Variants in PCDHA1 observed in about 807,000 individuals in gnomAD.
PCDHA1 encodes the protein protocadherin alpha 1, also known as protocadherin alpha-1.
PCDHA1 carries 42 observed loss-of-function variants against 61.3 expected under a neutral mutation model. That is an observed-to-expected ratio of 0.69 (90% CI 0.54 to 0.89). The LOEUF (loss-of-function observed/expected upper bound fraction) is 0.89. Among genes scored for constraint, PCDHA1 ranks in the 40% least tolerant of loss-of-function variants. The probability of loss-of-function intolerance (pLI) is 0.00; values close to 1 mark genes in which losing one functional copy is unlikely to be tolerated. For synonymous variants in PCDHA1, 610 were observed against 553.8 expected, an observed-to-expected ratio of 1.10 and a Z score of -1.43; for missense variants, 1,256 against 1,235.3, an observed-to-expected ratio of 1.02 and a Z score of -0.25.
chr5:140,883,532 G>C, intron 1 of PCDHA1: 2 of 1,614,220 alleles, frequency 1.2e-6, no homozygotes, highest in Non-Finnish European at 1.7e-6. Context: ...ATCAGCCTAT[G>C]AACTGGTGGT....
At position 140,941,206 on chromosome 5, in the gene PCDHA1, TCTTTCTTC is replaced by T. The variant is rs1268159199; in HGVS notation, c.2395-37735_2395-37728del. Among the ~76,000 whole-genome samples the T allele has an allele frequency of 1.2e-3, 117 of 95,670 alleles. 1 individual carries two copies. The highest frequency in any genetic ancestry group is 8.3e-3 in the South Asian group (27 of 3,240). The allele number at this position is 95,670 out of a possible 152,430, so 62.8% of individuals were successfully genotyped here. A position where few individuals can be genotyped will look rare whatever the true frequency, so the allele number is the denominator to read the frequency against. On this transcript the variant is annotated intron_variant, in intron 1 of 3. Coordinates refer to ENST00000504120, the MANE Select transcript of PCDHA1 (RefSeq NM_018900.4). ...GCTTCTTTTTTTTTCTTTCTTCCTTTCTTTCTTCCTTTCTTTCTTTCTTTCTTTCTTTC... is the reference window on the plus strand; with the variant it reads ...GCTTCTTTTTTTTTCTTTCTTCCTTTCTTTCTTTCTTTCTTTCTTTCTTTC...
Position 140,939,111 on chromosome 5 carries a change from T to G in PCDHA1, c.2395-39838T>G, listed in dbSNP as rs141486595. Reference sequence around the variant, plus strand: ...CTTAAAAACAATAGAAATTTATTTTTCACAATTCTGGAAGCTGGAAAGTTG... The same window carrying G: ...CTTAAAAACAATAGAAATTTATTTTGCACAATTCTGGAAGCTGGAAAGTTG... On this transcript the variant is annotated intron_variant, in intron 1 of 3. Coordinates refer to ENST00000504120, the MANE Select transcript of PCDHA1 (RefSeq NM_018900.4). Among the ~76,000 whole-genome samples, 62 of 152,324 alleles carry G rather than the reference T, an allele frequency of 4.1e-4. No homozygotes were observed. The East Asian group carries it at 0.01, about 25-fold the overall frequency.
rs782715241 is a variant in PCDHA1 at position 140,803,300 on chromosome 5, C to A, written c.2394+14616C>A. The A allele has an allele frequency of 1.6e-5, 26 of 1,613,996 alleles. No homozygotes were observed. The South Asian group carries it at 2.4e-4, about 15-fold the overall frequency. ...TGGTGGATGTCAACGTGTACTTGAT[C>A]GTCGCCATCTGCGCGGTGTCCAGTC... is the stretch of plus-strand genomic sequence containing the variant. On this transcript the variant is annotated intron_variant, in intron 1 of 3. Transcript: ENST00000504120.
chr5:140,872,919 A>G (rs1554166439), intron 1 of PCDHA1, among the ~76,000 whole-genome samples: 1 of 152,176 alleles, frequency 6.6e-6, no homozygotes, highest in Non-Finnish European at 1.5e-5. Flanking sequence ...GTAATGCCTT[A>G]TCTCTAATGT....
intron 1 of PCDHA1, chr5:140,865,758 G>A (rs2048989245): frequency 6.6e-6 from 1 of 152,150 alleles, no homozygotes; most frequent in African/African-American, 2.4e-5. Flanking sequence ...CCAGTACATG[G>A]TGGAGATATT....
chr5:140,857,694 C>A (rs1554150531), intron 1 of PCDHA1: 1 of 1,597,142 alleles, frequency 6.3e-7, no homozygotes. Flanking sequence ...AGCAACTTGA[C>A]GCTGCAGGTG....
At chr5:140,849,862 C>G in intron 1 of PCDHA1, 1 of 1,598,598 alleles carries the variant, frequency 6.3e-7, no homozygotes, top group Non-Finnish European at 8.6e-7. Flanking sequence ...CCAGCGTTCG[C>G]GCAGTCCGAG....
chr5:140,881,587 G>C (rs1025219392), intron 1 of PCDHA1, among the ~76,000 whole-genome samples: 2 of 152,186 alleles, frequency 1.3e-5, no homozygotes, highest in Non-Finnish European at 1.5e-5. Context: ...CACATTGAGG[G>C]AAATTTATTA....
intron 1 of PCDHA1, among the ~76,000 whole-genome samples, chr5:140,941,214 CCTTT>C (rs60032403): frequency 6.5e-5 from 8 of 122,492 alleles, no homozygotes; most frequent in Non-Finnish European, 1.2e-4. Context: ...TTTCTTTCTT[CCTTT>C]CTTTCTTTCT....
chr5:140,943,617 T>A (rs2093532711), intron 1 of PCDHA1, among the ~76,000 whole-genome samples: 1 of 152,208 alleles, frequency 6.6e-6, no homozygotes, highest in Non-Finnish European at 1.5e-5. Context: ...TTGATTCATC[T>A]GCATAAGGAA....
At chr5:140,963,608 G>A (rs1308315109) in intron 1 of PCDHA1, among the ~76,000 whole-genome samples, 2 of 152,186 alleles carry the variant, frequency 1.3e-5, no homozygotes, top group African/African-American at 2.4e-5. Context: ...ACGTAATTGG[G>A]AAAGCTTAAC....
intron 1 of PCDHA1, chr5:140,796,341 G>A (rs917052248): frequency 2.2e-5 from 36 of 1,614,096 alleles, no homozygotes; most frequent in Non-Finnish European, 3.1e-5. Flanking sequence ...CACAGCCTGA[G>A]TACACAGTAT....
chr5:140,850,756 G>A (rs2150497273), intron 1 of PCDHA1: 1 of 1,598,098 alleles, frequency 6.3e-7, no homozygotes, highest in Non-Finnish European at 8.6e-7. Context: ...TCGCAGCAGA[G>A]GAGGCAGAGG....
intron 1 of PCDHA1, among the ~76,000 whole-genome samples, chr5:140,873,786 G>A (rs1354744282): frequency 3.3e-5 from 5 of 152,056 alleles, no homozygotes; most frequent in Non-Finnish European, 7.4e-5. Flanking sequence ...TCAGCTTTCC[G>A]AGAAGCTGGG....
intron 1 of PCDHA1, chr5:140,881,399 T>C (rs2058702396): frequency 1.0e-6 from 1 of 975,460 alleles, no homozygotes; most frequent in Non-Finnish European, 1.2e-6. Flanking sequence ...TTAAATTCTA[T>C]TAAATCAATA....
intron 1 of PCDHA1, among the ~76,000 whole-genome samples, chr5:140,965,939 C>A (rs1554227944): frequency 6.6e-6 from 1 of 152,188 alleles, no homozygotes; most frequent in Admixed American, 6.5e-5. Flanking sequence ...GGAAAGAGGG[C>A]AGCATTTGCC....
chr5:140,969,399 AT>A, intron 1 of PCDHA1: 1 of 1,580,514 alleles, frequency 6.3e-7, no homozygotes, highest in Non-Finnish European at 8.6e-7. Context: ...ATATCCTGTG[AT>A]TTGGCTTTAT....
intron 3 of PCDHA1, among the ~76,000 whole-genome samples, chr5:140,993,092 G>A (rs1441562927): frequency 6.6e-6 from 1 of 152,222 alleles, no homozygotes; most frequent in East Asian, 1.9e-4. Flanking sequence ...GCAGGGCTAT[G>A]TTTATTCAGC....
rs1192859717 is a variant in PCDHA1, at chr5:140,786,506, G to C, written c.216G>C (p.Arg72Ser). ...TCCGGGTGGCGTCCAAAACACACAGGGACCTTCTGGAGGTAAATCTGCAGA... is the reference window on the plus strand; with the variant it reads ...TCCGGGTGGCGTCCAAAACACACAGCGACCTTCTGGAGGTAAATCTGCAGA... ...RLFRVASKTH[R>S]DLLEVNLQNG... Residue 72 changes from arginine (R) to serine (S), a missense_variant, in exon 1 of 4, where the codon AGG (arginine) becomes AGC (serine). Transcript: ENST00000504120. The C allele has an allele frequency of 6.2e-6, 10 of 1,613,860 alleles. No individual in the cohort carries two copies. Among genetic ancestry groups the C allele is most frequent in the African/African-American group, 4.0e-5 (3 of 74,920 alleles).
Sources: gnomAD v4.1 joint callset for allele counts (sites outside exome capture counted in the v4.1 genomes callset) on GRCh38, gnomAD v4.1.1 for gene constraint, MANE v1.5 for transcripts, NCBI Gene and HGNC (gene_info 2026-07-23, HGNC 2026-07-21) for gene names.